ASB6: variants seen among roughly 807,000 people sequenced by gnomAD.
The protein encoded by ASB6 is ankyrin repeat and SOCS box protein 6.
Under a neutral mutation model 28.6 loss-of-function variants are expected in ASB6, and 24 were observed. That is an observed-to-expected ratio of 0.84 (90% CI 0.61 to 1.18). The LOEUF (loss-of-function observed/expected upper bound fraction) is 1.18, where lower values mean the gene tolerates loss of function less well. Ranked by LOEUF, ASB6 falls within the 50% of genes most tolerant of loss-of-function variation. The pLI is 0.00. For missense variants in ASB6, 519 were observed against 559.8 expected (o/e 0.93, Z 0.74); for synonymous variants, 267 against 243.4 (o/e 1.10, Z -0.90).
chr9:129,635,706 T>C lies in ASB6; in HGVS notation c.*2084A>G. 1 of 500,804 alleles carries C rather than the reference T, an allele frequency of 2.0e-6. No homozygotes were observed. Among genetic ancestry groups the C allele is most frequent in the South Asian group, 2.6e-5 (1 of 38,272 alleles). 31.0% of individuals were successfully genotyped at this position (500,804 alleles called of 1,614,324 possible). A position where few individuals can be genotyped will look rare whatever the true frequency, so the allele number is the denominator to read the frequency against. ...ACCCTGCTCTCCTGCGAGATGGGAT[T>C]GGGTGGAAGGGGCTCCAGGGCTCCT... is the stretch of plus-strand genomic sequence containing the variant. On this transcript the variant is annotated 3_prime_UTR_variant, in exon 6 of 6. Coordinates refer to ENST00000277458, the MANE Select transcript of ASB6 (RefSeq NM_017873.4).
Position 129,636,411 on chromosome 9 carries a change from T to TG in ASB6, c.*1378dup, listed in dbSNP as rs1364850021. ...GTCTCAAAATAAAACTAAAATAAAA[T>TG]GGGGGCCGGGCACAGTGGCTCATGT... On this transcript the variant is annotated 3_prime_UTR_variant, in exon 6 of 6. Transcript: ENST00000277458. 2 of 135,438 alleles carry TG rather than the reference T, an allele frequency of 1.5e-5. No individual in the cohort carries two copies. Among genetic ancestry groups the TG allele is most frequent in the East Asian group, 4.5e-4 (2 of 4,436 alleles). 8.4% of individuals were successfully genotyped at this position (135,438 alleles called of 1,614,324 possible).
intron 2 of ASB6, 120 bp downstream of exon 2, chr9:129,640,420 GA>G: frequency 7.4e-7 from 1 of 1,358,262 alleles, no homozygotes; most frequent in Non-Finnish European, 9.7e-7. Context: ...AGCCACCCAG[GA>G]AATAAAGGGG....
At chr9:129,640,869 A>C (rs1831679412) in intron 1 of ASB6, 147 bp from the exon 2 acceptor site, 1 of 936,600 alleles carries the variant, frequency 1.1e-6, no homozygotes, top group Non-Finnish European at 1.6e-6. Flanking sequence ...GGAAGCTCTG[A>C]AGTAGAGAGA....
Position 129,641,901 on chromosome 9 carries a change from C to T in ASB6, c.99G>A (p.Gln33=). The change falls in exon 1 of 6, where the codon CAG becomes CAA. Residue 33 remains glutamine, a synonymous_variant. Coordinates refer to ENST00000277458, the MANE Select transcript of ASB6 (RefSeq NM_017873.4). ...GGGTGAGTTACCGGTCCAGAGACTC[C>T]TGCCGCTCGGGGTCCTGGATCCCCA... ...GSLGIQDPER[Q]ESLDRPSYVA... is the part of the protein sequence containing the mutation. The T allele has an allele frequency of 6.3e-7, 1 of 1,599,302 alleles. No individual in the cohort carries two copies. The highest frequency in any genetic ancestry group is 8.5e-7 in the Non-Finnish European group (1 of 1,174,044).
In ASB6 at chr9:129,638,222, G is replaced by A. The variant is rs147646166; in HGVS notation, c.834C>T (p.Arg278=). 8 of 1,613,520 alleles carry A rather than the reference G, an allele frequency of 5.0e-6. No individual in the cohort carries two copies. Among genetic ancestry groups the A allele is most frequent in the Non-Finnish European group, 6.8e-6 (8 of 1,179,862 alleles). Reference sequence around the variant, plus strand: ...AGGCGGCTCCGGACTCCAGGAGGAAGCGCAGGAGAGGGAAGTGCAGTTTAA... The same window carrying A: ...AGGCGGCTCCGGACTCCAGGAGGAAACGCAGGAGAGGGAAGTGCAGTTTAA... ...KSFKLHFPLL[R]FLLESGAAYN... Residue 278 remains arginine (R), a synonymous_variant, in exon 6 of 6, where the codon CGC becomes CGT. Coordinates refer to ENST00000277458, the MANE Select transcript of ASB6 (RefSeq NM_017873.4).
chr9:129,638,073 G>C lies in ASB6; in HGVS notation c.983C>G (p.Thr328Ser). The C allele has an allele frequency of 6.2e-6, 10 of 1,614,218 alleles. No homozygotes were observed. The highest frequency in any genetic ancestry group is 8.5e-6 in the Non-Finnish European group (10 of 1,180,056). ...SHADLLRKAE[T>S]VLDLMVTNSQ... ...GTTGGTCACCATGAGATCCAGGACA[G>C]TCTCAGCTTTGCGCAGGAGGTCCGC... The change falls in exon 6 of 6, where the codon ACT becomes AGT. Residue 328 changes from threonine to serine, a missense_variant. Coordinates refer to ENST00000277458, the MANE Select transcript of ASB6 (RefSeq NM_017873.4).
At position 129,637,390 on chromosome 9, in the gene ASB6, C is replaced by G. The variant is rs1831581244; in HGVS notation, c.*400G>C. On this transcript the variant is annotated 3_prime_UTR_variant, in exon 6 of 6. Transcript: ENST00000277458. ...CCTTGGTGGCACCGCACAGGACGTG[C>G]CCCAGGCTTCCTCTCCAGCTGCACT... 2 of 163,100 alleles carry G rather than the reference C, an allele frequency of 1.2e-5. No homozygotes were observed. Among genetic ancestry groups the G allele is most frequent in the Non-Finnish European group, 2.6e-5 (2 of 75,776 alleles). 10.1% of individuals were successfully genotyped at this position (163,100 alleles called of 1,614,324 possible).
rs1476406460 is a variant in ASB6 at position 129,634,999 on chromosome 9, T to G, written c.*2791A>C. 7 of 607,578 alleles carry G rather than the reference T, an allele frequency of 1.2e-5. No homozygotes were observed. Among genetic ancestry groups the G allele is most frequent in the South Asian group, 2.1e-5 (1 of 47,928 alleles). 37.6% of individuals were successfully genotyped at this position (607,578 alleles called of 1,614,324 possible). A position where few individuals can be genotyped will look rare whatever the true frequency, so the allele number is the denominator to read the frequency against. The stretch of plus-strand genomic sequence containing the variant: ...TCAAGTCAAATTCTGGCTTAATGTG[T>G]CTTTAGGTAGATGACCTCTGAGCCA... On this transcript the variant is annotated 3_prime_UTR_variant, in exon 6 of 6. Transcript: ENST00000277458.
In ASB6 at chr9:129,638,233, G is replaced by A. The variant is rs376466866; in HGVS notation, c.823C>T (p.Pro275Ser). The A allele has an allele frequency of 1.5e-5, 24 of 1,613,524 alleles. No individual in the cohort carries two copies. The highest frequency in any genetic ancestry group is 2.0e-5 in the Non-Finnish European group (24 of 1,179,918). ...ICLKSFKLHFPLLRFLLESGA... is the reference protein window; with the variant it reads ...ICLKSFKLHFSLLRFLLESGA... ...GACTCCAGGAGGAAGCGCAGGAGAG[G>A]GAAGTGCAGTTTAAAGCTCTTCAGG... Residue 275 changes from proline (P) to serine (S), a missense_variant, in exon 6 of 6, where the codon CCT becomes TCT. Coordinates refer to ENST00000277458, the MANE Select transcript of ASB6 (RefSeq NM_017873.4).
chr9:129,639,063 G>A, intron 4 of ASB6, 139 bp downstream of exon 4: 3 of 841,838 alleles, frequency 3.6e-6, no homozygotes, highest in Non-Finnish European at 5.6e-6. Flanking sequence ...CAGAATCCCT[G>A]TGTGCCCAGC....
rs921391385 is a variant in ASB6 at position 129,642,128 on chromosome 9, G to C, written c.-129C>G. On this transcript the variant is annotated 5_prime_UTR_variant, in exon 1 of 6. Transcript: ENST00000277458. The surrounding 1 kb of genome is among the most constrained non-coding windows in gnomAD (Gnocchi z 4.3). Reference sequence around the variant, plus strand: ...CCAGTCCAGCCCCTGCGCCCGGCCGGGTCCGCTCCTCAGTCCAAGCCGCGC... The same window carrying C: ...CCAGTCCAGCCCCTGCGCCCGGCCGCGTCCGCTCCTCAGTCCAAGCCGCGC... 40 of 1,336,594 alleles carry C rather than the reference G, an allele frequency of 3.0e-5. No individual in the cohort carries two copies. The highest frequency in any genetic ancestry group is 3.8e-5 in the Non-Finnish European group (40 of 1,044,954). The allele number at this position is 1,336,594 out of a possible 1,614,324, so 82.8% of individuals were successfully genotyped here.
intron 1 of ASB6, 117 bp from the exon 2 acceptor site, chr9:129,640,839 G>C (rs10760631): frequency 0.27 from 347,174 of 1,263,780 alleles, 50,454 homozygotes; most frequent in East Asian, 0.35. Context: ...CCCTGGCTCT[G>C]TGGGTCACAG....
rs1318264951 is a variant in ASB6 at position 129,642,132 on chromosome 9, C to T, written c.-133G>A. The T allele has an allele frequency of 7.5e-7, 1 of 1,334,318 alleles. No homozygotes were observed. Among genetic ancestry groups the T allele is most frequent in the Admixed American group, 4.1e-5 (1 of 24,422 alleles). The allele number at this position is 1,334,318 out of a possible 1,614,324, so 82.7% of individuals were successfully genotyped here. ...TCCAGCCCCTGCGCCCGGCCGGGTC[C>T]GCTCCTCAGTCCAAGCCGCGCCCCC... On this transcript the variant is annotated 5_prime_UTR_variant, in exon 1 of 6. Coordinates refer to ENST00000277458, the MANE Select transcript of ASB6 (RefSeq NM_017873.4). The surrounding 1 kb of genome is among the most constrained non-coding windows in gnomAD (Gnocchi z 4.3).
Position 129,635,265 on chromosome 9 carries a change from G to A in ASB6, c.*2525C>T, listed in dbSNP as rs1438440440. The A allele has an allele frequency of 3.1e-6, 5 of 1,613,260 alleles. No homozygotes were observed. The highest frequency in any genetic ancestry group is 1.1e-5 in the South Asian group (1 of 91,088). ...CTGCGGCGCTGCAAGGGCAGCCTCC[G>A]CCCCAACGGCATCATCGTCATCAAA... On this transcript the variant is annotated 3_prime_UTR_variant, in exon 6 of 6. Transcript: ENST00000277458.
intron 1 of ASB6, among the ~76,000 whole-genome samples, chr9:129,641,478 TCCA>T (rs1001070321): frequency 1.3e-5 from 2 of 152,158 alleles, no homozygotes; most frequent in Non-Finnish European, 2.9e-5. Flanking sequence ...TTCCTGCAGG[TCCA>T]CGACAGACCA....
In ASB6 at chr9:129,639,457, G is replaced by A. The variant is rs774433494; in HGVS notation, c.347C>T (p.Pro116Leu). The A allele has an allele frequency of 2.2e-5, 35 of 1,613,754 alleles. No individual in the cohort carries two copies. Among genetic ancestry groups the A allele is most frequent in the South Asian group, 6.6e-5 (6 of 91,050 alleles). ...ATGCACCAGCAGCTCCACCATGTCC[G>A]GCTGGTTCCGCAGGACGGCGATGTG... is the stretch of plus-strand genomic sequence containing the variant. Reference protein sequence around the residue: ...ALHIAVLRNQPDMVELLVHHG... With the variant: ...ALHIAVLRNQLDMVELLVHHG... Residue 116 changes from proline to leucine, a missense_variant, in exon 3 of 6, where the codon CCG becomes CTG. Coordinates refer to ENST00000277458, the MANE Select transcript of ASB6 (RefSeq NM_017873.4).
At position 129,636,721 on chromosome 9, in the gene ASB6, A is replaced by G. The variant is rs6478912; in HGVS notation, c.*1069T>C. On this transcript the variant is annotated 3_prime_UTR_variant, in exon 6 of 6. Coordinates refer to ENST00000277458, the MANE Select transcript of ASB6 (RefSeq NM_017873.4). Reference sequence around the variant, plus strand: ...AAAAATAATAAAATGGGACCTCCACACTGTGGAGGCCCTTGCCAGTCTAGA... The same window carrying G: ...AAAAATAATAAAATGGGACCTCCACGCTGTGGAGGCCCTTGCCAGTCTAGA... The G allele has an allele frequency of 0.51, 77,392 of 151,362 alleles. 20,548 individuals carry two copies. Among genetic ancestry groups the G allele is most frequent in the Non-Finnish European group, 0.6 (40,889 of 67,796 alleles). The allele number at this position is 151,362 out of a possible 1,614,324, so 9.4% of individuals were successfully genotyped here.
Position 129,635,318 on chromosome 9 carries a change from C to T in ASB6, c.*2472G>A, listed in dbSNP as rs1371417737. The T allele has an allele frequency of 1.2e-6, 2 of 1,613,840 alleles. No individual in the cohort carries two copies. Among genetic ancestry groups the T allele is most frequent in the African/African-American group, 1.3e-5 (1 of 75,058 alleles). On this transcript the variant is annotated 3_prime_UTR_variant, in exon 6 of 6. Transcript: ENST00000277458. ...CAACATGGCCCAGGAGGGCGTGATT[C>T]TGGACGACGTGGACAGCAGCGTGTG...
At position 129,640,753 on chromosome 9, in the gene ASB6, C is replaced by G. The variant is rs770521357; in HGVS notation, c.114-31G>C. 3.1e-6 allele frequency: 5 copies of G among 1,612,520 alleles called. No individual in the cohort carries two copies. The South Asian group carries it at 5.5e-5, about 18-fold the overall frequency. On this transcript the variant is annotated intron_variant, in intron 1 of 5. Transcript: ENST00000277458. Reference sequence around the variant, plus strand: ...ACAGGAGAGAGGCTGAGGGTAGGCACAGCTGTGGGACCGGGTGACCGCGCA... The same window carrying G: ...ACAGGAGAGAGGCTGAGGGTAGGCAGAGCTGTGGGACCGGGTGACCGCGCA...
Sources: allele counts gnomAD v4.1 joint callset (sites outside exome capture counted in the v4.1 genomes callset), GRCh38; gene constraint gnomAD v4.1.1; non-coding constraint Gnocchi (gnomAD v3.1); transcripts MANE v1.5; gene names NCBI Gene and HGNC (gene_info 2026-07-23, HGNC 2026-07-21).